The following ZC3H12B variants were observed in gnomAD, a reference collection of about 807,000 sequenced individuals.
The protein encoded by ZC3H12B is zinc finger CCCH-type containing 12B.
Under a neutral mutation model 43.9 loss-of-function variants are expected in ZC3H12B, and 7 were observed. The ratio of observed to expected loss-of-function variants is 0.16; its 90% CI spans 0.09 to 0.30. The LOEUF (loss-of-function observed/expected upper bound fraction) is 0.30. Among genes scored for constraint, ZC3H12B ranks in the 10% least tolerant of loss-of-function variants. The pLI is 1.00. For synonymous variants in ZC3H12B, 222 were observed against 241.7 expected (o/e 0.92, Z 0.76); for missense variants, 475 against 670.2 (o/e 0.71, Z 3.22).
At chrX:65,320,915 T>C in the ZC3H12B span, among the ~76,000 whole-genome samples, 1 of 112,390 alleles carries the variant, frequency 8.9e-6, no homozygotes, top group African/African-American at 3.2e-5. Context: ...AATTAAAGAC[T>C]TAAATGTAAA....
chrX:65,166,111 A>G, the ZC3H12B span, among the ~76,000 whole-genome samples: 88 of 111,216 alleles, frequency 7.9e-4, 3 homozygotes, highest in East Asian at 0.024. Context: ...TTTGTTACAT[A>G]GTTATACATG....
chrX:65,302,836 A>G, the ZC3H12B span, among the ~76,000 whole-genome samples: 1 of 112,004 alleles, frequency 8.9e-6, no homozygotes, highest in Admixed American at 9.5e-5. Context: ...AGAATGGAAA[A>G]CCTGTAAATA....
the ZC3H12B span, among the ~76,000 whole-genome samples, chrX:65,147,696 T>A: frequency 9.0e-6 from 1 of 111,118 alleles, no homozygotes; most frequent in African/African-American, 3.3e-5. Flanking sequence ...GCCTGAGTCA[T>A]CAGGGATGAT....
chrX:65,202,119 T>C, the ZC3H12B span, among the ~76,000 whole-genome samples: 1 of 88,144 alleles, frequency 1.1e-5, no homozygotes, highest in African/African-American at 4.8e-5. Context: ...ATATATATTA[T>C]ATGTAATATA....
At chrX:65,192,613 T>A in the ZC3H12B span, among the ~76,000 whole-genome samples, 1 of 111,673 alleles carries the variant, frequency 9.0e-6, no homozygotes, top group Admixed American at 9.6e-5. Context: ...ATCATATGAT[T>A]TTTGTCCTTC....
the ZC3H12B span, among the ~76,000 whole-genome samples, chrX:65,195,009 T>C: frequency 2.7e-5 from 3 of 111,655 alleles, no homozygotes; most frequent in African/African-American, 9.7e-5. Context: ...TGTTTCTATT[T>C]GTATGGAATA....
chrX:65,350,635 G>T, the ZC3H12B span, among the ~76,000 whole-genome samples: 1 of 111,884 alleles, frequency 8.9e-6, no homozygotes, highest in African/African-American at 3.2e-5. Context: ...AAAGTCTCAG[G>T]ATACAAAATC....
intron 3 of ZC3H12B, among the ~76,000 whole-genome samples, chrX:65,429,759 T>C (rs1162621881): frequency 8.9e-6 from 1 of 112,147 alleles, no homozygotes; most frequent in Non-Finnish European, 1.9e-5. Flanking sequence ...GGAGGTCCCA[T>C]TCAGTGAAGA....
chrX:65,499,979 A>G, exon 4 of ZC3H12B: 1 of 1,201,229 alleles, frequency 8.3e-7, no homozygotes, highest in Non-Finnish European at 1.1e-6. Flanking sequence ...AGAAGCAACC[A>G]TGTCCTTATG....
the ZC3H12B span, among the ~76,000 whole-genome samples, chrX:65,294,881 TAGAC>T: frequency 1.8e-5 from 2 of 109,488 alleles, no homozygotes; most frequent in Non-Finnish European, 3.8e-5. Context: ...AGAAATGAGA[TAGAC>T]AGCAACACAG....
At chrX:65,256,384 A>C in the ZC3H12B span, among the ~76,000 whole-genome samples, 2 of 111,106 alleles carry the variant, frequency 1.8e-5, no homozygotes, top group Non-Finnish European at 3.8e-5. Flanking sequence ...TAATAAGAAA[A>C]TCAATCAAAG....
intron 3 of ZC3H12B, among the ~76,000 whole-genome samples, chrX:65,447,855 T>A (rs1467657678): frequency 1.8e-5 from 2 of 111,636 alleles, no homozygotes; most frequent in Non-Finnish European, 3.8e-5. Context: ...ACATCACTAA[T>A]CATGAGGGAA....
the ZC3H12B span, among the ~76,000 whole-genome samples, chrX:65,224,301 G>T: frequency 3.5e-5 from 4 of 112,743 alleles, no homozygotes; most frequent in Non-Finnish European, 7.5e-5. Context: ...TCGGGAAAGG[G>T]TCTGAAGATA....
chrX:65,061,160 T>G, the ZC3H12B span, among the ~76,000 whole-genome samples: 83 of 111,806 alleles, frequency 7.4e-4, no homozygotes, highest in Non-Finnish European at 1.4e-3. Context: ...TTTTATTTTT[T>G]TATTATACTT....
At chrX:65,446,295 T>A (rs1433861846) in intron 3 of ZC3H12B, among the ~76,000 whole-genome samples, 1 of 111,830 alleles carries the variant, frequency 8.9e-6, no homozygotes, top group Admixed American at 9.6e-5. Flanking sequence ...AGCTGCAAGC[T>A]GAACTGCCTG....
At chrX:65,251,025 T>A in the ZC3H12B span, among the ~76,000 whole-genome samples, 2 of 112,277 alleles carry the variant, frequency 1.8e-5, no homozygotes, top group East Asian at 5.6e-4. Flanking sequence ...GCCGATGTCC[T>A]GAATGGTATT....
At chrX:65,396,444 T>C (rs2066699304) in intron 2 of ZC3H12B, among the ~76,000 whole-genome samples, 2 of 112,212 alleles carry the variant, frequency 1.8e-5, no homozygotes, top group Non-Finnish European at 3.8e-5. Context: ...ATTTACCCAG[T>C]AGTCATTCAG....
At chrX:65,309,586 A>G in the ZC3H12B span, among the ~76,000 whole-genome samples, 5 of 112,092 alleles carry the variant, frequency 4.5e-5, no homozygotes, top group Non-Finnish European at 5.6e-5. Context: ...AGCTGGTACC[A>G]TTCCTTCTGA....
chrX:65,437,037 C>T (rs989008719), intron 3 of ZC3H12B, among the ~76,000 whole-genome samples: 8 of 110,440 alleles, frequency 7.2e-5, no homozygotes, highest in African/African-American at 2.6e-4. Flanking sequence ...ACTGCAGCCT[C>T]CACCTTCTGG....
Sources: allele counts gnomAD v4.1 joint callset (sites outside exome capture counted in the v4.1 genomes callset), GRCh38; gene constraint gnomAD v4.1.1; transcripts MANE v1.5; gene names NCBI Gene and HGNC (gene_info 2026-07-23, HGNC 2026-07-21).